KSR2: variants seen among roughly 807,000 people sequenced by gnomAD.
The protein encoded by KSR2 is kinase suppressor of ras 2.
KSR2 carries 25 observed loss-of-function variants against 107.8 expected under a neutral mutation model. That is an observed-to-expected ratio of 0.23 (90% CI 0.17 to 0.32). The LOEUF is 0.32. KSR2 is among the 10% of genes least tolerant of loss of function. KSR2 has a pLI of 1.00. For synonymous variants in KSR2, 480 were observed against 507.0 expected (o/e 0.95, Z 0.71); for missense variants, 887 against 1,268.9 (o/e 0.70, Z 4.57).
chr12:117,535,695 C>T (rs1016407874), intron 10 of KSR2, among the ~76,000 whole-genome samples: 2 of 150,944 alleles, frequency 1.3e-5, no homozygotes, highest in Admixed American at 1.3e-4. Context: ...GTATTTGGCT[C>T]CAAAGAAAGA....
intron 3 of KSR2, among the ~76,000 whole-genome samples, chr12:117,830,151 C>T (rs1421540721): frequency 1.3e-5 from 2 of 151,966 alleles, no homozygotes; most frequent in African/African-American, 2.4e-5. Context: ...GCCTGTAATC[C>T]CAGCTACTCG....
At position 117,467,025 on chromosome 12, in the gene KSR2, G is replaced by C. The variant is rs1871178153; in HGVS notation, c.*174C>G. The stretch of plus-strand genomic sequence containing the variant: ...TCCCCAACCCTGCCCGAGGAAAAGG[G>C]CTCAAGTCTGAGGTGCAGGGAGGCC... On this transcript the variant is annotated 3_prime_UTR_variant, in exon 20 of 20. Transcript: ENST00000339824. 4.2e-6 allele frequency: 2 copies of C among 480,400 alleles called. No individual in the cohort carries two copies. Among genetic ancestry groups the C allele is most frequent in the Non-Finnish European group, 7.4e-6 (2 of 271,664 alleles). 29.8% of individuals were successfully genotyped at this position (480,400 alleles called of 1,614,324 possible).
At chr12:117,759,550 G>C (rs981381123) in intron 4 of KSR2, among the ~76,000 whole-genome samples, 25 of 152,060 alleles carry the variant, frequency 1.6e-4, no homozygotes, top group Admixed American at 3.3e-4. Flanking sequence ...AATTACATTT[G>C]CATTGTTGTA....
At chr12:117,685,794 A>G (rs1462057904) in intron 4 of KSR2, among the ~76,000 whole-genome samples, 1 of 152,190 alleles carries the variant, frequency 6.6e-6, no homozygotes, top group Non-Finnish European at 1.5e-5. Context: ...CAGAGGCCAC[A>G]TGTTGAGTGG....
chr12:117,600,437 C>G (rs1880875656), intron 5 of KSR2, among the ~76,000 whole-genome samples: 1 of 152,202 alleles, frequency 6.6e-6, no homozygotes, highest in African/African-American at 2.4e-5. Flanking sequence ...GAGTTTGGCT[C>G]TGAATGCGTC....
At chr12:117,849,594 G>C (rs555329276) in intron 3 of KSR2, among the ~76,000 whole-genome samples, 1 of 152,132 alleles carries the variant, frequency 6.6e-6, no homozygotes, top group Non-Finnish European at 1.5e-5. Context: ...TCCTATCTTC[G>C]GGGCTCCTTG....
chr12:117,595,030 A>G (rs570181493), intron 5 of KSR2, among the ~76,000 whole-genome samples: 15 of 152,188 alleles, frequency 9.9e-5, no homozygotes, highest in Non-Finnish European at 1.9e-4. Context: ...CATTAAATGC[A>G]TGGACAGATC....
intron 3 of KSR2, among the ~76,000 whole-genome samples, chr12:117,833,305 T>C (rs1272591953): frequency 6.6e-6 from 1 of 152,144 alleles, no homozygotes; most frequent in Non-Finnish European, 1.5e-5. Context: ...TTATACATAG[T>C]AGAGGAATGT....
intron 1 of KSR2, among the ~76,000 whole-genome samples, chr12:117,923,667 A>ATATGTG (rs1555257395): frequency 1.7e-4 from 25 of 150,862 alleles, no homozygotes; most frequent in African/African-American, 5.8e-4. Context: ...TAAAATATAT[A>ATATGTG]TGTGTGTGTG....
intron 5 of KSR2, among the ~76,000 whole-genome samples, chr12:117,605,716 A>G (rs555234180): frequency 9.2e-5 from 14 of 152,344 alleles, no homozygotes; most frequent in South Asian, 8.3e-4. Flanking sequence ...AAGACATGGA[A>G]TCAACCCAAA....
At chr12:117,955,062 C>T (rs1378760499) in intron 1 of KSR2, among the ~76,000 whole-genome samples, 3 of 151,844 alleles carry the variant, frequency 2.0e-5, no homozygotes, top group African/African-American at 7.3e-5. Context: ...CTCGAATCTA[C>T]TCAGCCCCTG....
intron 16 of KSR2, among the ~76,000 whole-genome samples, chr12:117,479,244 T>C (rs1237778249): frequency 2.0e-5 from 3 of 152,220 alleles, no homozygotes; most frequent in Non-Finnish European, 4.4e-5. Context: ...GCCGGGTAAC[T>C]GCGGCAATCA....
intron 3 of KSR2, among the ~76,000 whole-genome samples, chr12:117,823,264 G>T (rs1431750564): frequency 6.6e-6 from 1 of 152,136 alleles, no homozygotes; most frequent in Non-Finnish European, 1.5e-5. Context: ...GATTTTAAGA[G>T]ATGAATCTGG....
intron 3 of KSR2, among the ~76,000 whole-genome samples, chr12:117,794,924 CAGAA>C (rs1890568874): frequency 6.6e-6 from 1 of 152,160 alleles, no homozygotes; most frequent in Admixed American, 6.5e-5. Flanking sequence ...CAGCAAGGGA[CAGAA>C]AGAGACAGCC....
chr12:117,480,028 A>ATGTGTGTG (rs55877244), intron 16 of KSR2, among the ~76,000 whole-genome samples: 88 of 148,636 alleles, frequency 5.9e-4, no homozygotes, highest in African/African-American at 2.1e-3. Flanking sequence ...ACACATGTGT[A>ATGTGTGTG]TGTGTGTGTG....
chr12:117,855,418 G>C lies in KSR2; in HGVS notation c.472+10C>G. The C allele has an allele frequency of 6.2e-7, 1 of 1,614,044 alleles. No individual in the cohort carries two copies. Among genetic ancestry groups the C allele is most frequent in the South Asian group, 1.1e-5 (1 of 91,086 alleles). ...AAGTCTCCACATCCCCGACCCCGGG[G>C]CCTGCTCACCTGACATGTGGACATT... is the stretch of plus-strand genomic sequence containing the variant. On this transcript the variant is annotated intron_variant, in intron 3 of 19. Transcript: ENST00000339824.
At chr12:117,755,149 C>T (rs1888744015) in intron 4 of KSR2, among the ~76,000 whole-genome samples, 1 of 152,228 alleles carries the variant, frequency 6.6e-6, no homozygotes, top group Non-Finnish European at 1.5e-5. Flanking sequence ...ACCTTCTCAC[C>T]TACTCCCTGA....
chr12:117,931,344 G>A (rs1417694965), intron 1 of KSR2, among the ~76,000 whole-genome samples: 1 of 152,130 alleles, frequency 6.6e-6, no homozygotes, highest in Non-Finnish European at 1.5e-5. Context: ...AGGGCCTGCA[G>A]GTGAAGAATA....
Position 117,471,746 on chromosome 12 carries a change from T to A in KSR2, c.2583-426A>T, listed in dbSNP as rs1003807559. ...ATTATGGTAAATCCATAAAATAAAA[T>A]GAAATGCTGTATTATTATTAAAACA... On this transcript the variant is annotated intron_variant, in intron 17 of 19. Transcript: ENST00000339824. Among the ~76,000 whole-genome samples, 5 of 152,112 alleles carry A rather than the reference T, an allele frequency of 3.3e-5. No homozygotes were observed. The East Asian group carries it at 9.6e-4, about 29-fold the overall frequency.
Sources: gnomAD v4.1 joint callset for allele counts (sites outside exome capture counted in the v4.1 genomes callset) on GRCh38, gnomAD v4.1.1 for gene constraint, MANE v1.5 for transcripts, NCBI Gene and HGNC (gene_info 2026-07-23, HGNC 2026-07-21) for gene names.